DPP6: variants seen among roughly 807,000 people sequenced by gnomAD.
The protein encoded by DPP6 is dipeptidyl peptidase like 6.
DPP6 carries 69 observed loss-of-function variants against 122.6 expected under a neutral mutation model. That is an observed-to-expected ratio of 0.56 (90% CI 0.46 to 0.69). The LOEUF is 0.69. DPP6 is among the 30% of genes least tolerant of loss of function. DPP6 has a pLI of 0.00. For missense variants in DPP6, 928 were observed against 1,116.9 expected (o/e 0.83, Z 2.41); for synonymous variants, 418 against 433.1 (o/e 0.97, Z 0.43).
Position 154,700,220 on chromosome 7 carries a change from A to G in DPP6, c.763-27547A>G, listed in dbSNP as rs148049879. Among the ~76,000 whole-genome samples, 13 of 152,374 alleles carry G rather than the reference A, an allele frequency of 8.5e-5. No homozygotes were observed. In the East Asian group the frequency reaches 2.3e-3, roughly 27 times the overall value. ...TTACTATTTTTGGATTCATTGGTACATGGTTCCATTAATCAATAAATATTT... is the reference window on the plus strand; with the variant it reads ...TTACTATTTTTGGATTCATTGGTACGTGGTTCCATTAATCAATAAATATTT... On this transcript the variant is annotated intron_variant, in intron 7 of 25. Coordinates refer to ENST00000377770, the MANE Select transcript of DPP6 (RefSeq NM_130797.4).
rs191264368 is a variant in DPP6 at position 154,818,571 on chromosome 7, A to G, written c.1666+11459A>G. 9.9e-4 allele frequency among the ~76,000 whole-genome samples: 151 copies of G among 152,332 alleles called. 1 individual carries two copies. The East Asian group carries it at 0.025, about 25-fold the overall frequency. ...GATAAAACTGTCTTATTAGCCTCAAACATGTAGGGTGCTATTGACTCCCAA... is the reference window on the plus strand; with the variant it reads ...GATAAAACTGTCTTATTAGCCTCAAGCATGTAGGGTGCTATTGACTCCCAA... On this transcript the variant is annotated intron_variant, in intron 16 of 25. Transcript: ENST00000377770.
At chr7:154,433,785 T>G (rs891867435) in intron 1 of DPP6, among the ~76,000 whole-genome samples, 2 of 152,226 alleles carry the variant, frequency 1.3e-5, no homozygotes, top group Non-Finnish European at 2.9e-5. Context: ...CTGGCCCACT[T>G]TTCTCCAGAT....
chr7:154,183,493 G>T (rs1798197369), intron 1 of DPP6, among the ~76,000 whole-genome samples: 1 of 152,136 alleles, frequency 6.6e-6, no homozygotes. Flanking sequence ...TCCTGTAAGG[G>T]CAGAATCACC....
In DPP6 at chr7:154,221,799, C is replaced by T. The variant is rs375475845; in HGVS notation, c.243+168736C>T. On this transcript the variant is annotated intron_variant, in intron 1 of 25. Transcript: ENST00000377770. ...ACCTCTGCTGAATTAAAAACAGGAG[C>T]GGATGAACAATGTTGGAAGTGGGCC... is the stretch of plus-strand genomic sequence containing the variant. 5.3e-5 allele frequency among the ~76,000 whole-genome samples: 8 copies of T among 152,198 alleles called. 1 individual carries two copies. The South Asian group carries it at 1.7e-3, about 32-fold the overall frequency.
At chr7:153,752,974 G>A in the DPP6 span, among the ~76,000 whole-genome samples, 1 of 152,066 alleles carries the variant, frequency 6.6e-6, no homozygotes, top group African/African-American at 2.4e-5. Context: ...CATATAGTAA[G>A]CATTTATTAC....
At chr7:154,461,409 TA>T (rs1821291960) in intron 2 of DPP6, among the ~76,000 whole-genome samples, 1 of 152,228 alleles carries the variant, frequency 6.6e-6, no homozygotes, top group South Asian at 2.1e-4. Context: ...GATCATATGG[TA>T]ACTCTGTTTT....
intron 1 of DPP6, among the ~76,000 whole-genome samples, chr7:154,025,448 CTA>C (rs1471731477): frequency 9.0e-6 from 1 of 111,232 alleles, no homozygotes; most frequent in African/African-American, 3.6e-5. Context: ...TCCTGTAGTG[CTA>C]TGTTTTTGTT....
At chr7:153,760,449 G>T in the DPP6 span, among the ~76,000 whole-genome samples, 14 of 152,102 alleles carry the variant, frequency 9.2e-5, no homozygotes, top group Non-Finnish European at 1.6e-4. Flanking sequence ...GGTAATTTTT[G>T]ATTGGATGCC....
At chr7:154,309,321 C>T (rs924508858) in intron 1 of DPP6, among the ~76,000 whole-genome samples, 2 of 152,148 alleles carry the variant, frequency 1.3e-5, no homozygotes, top group African/African-American at 2.4e-5. Context: ...TGATAGATAA[C>T]TCCCCATGTG....
chr7:154,738,255 G>A (rs893575863), intron 8 of DPP6, among the ~76,000 whole-genome samples: 3 of 152,180 alleles, frequency 2.0e-5, no homozygotes, highest in Non-Finnish European at 2.9e-5. Flanking sequence ...CCAGCAAACA[G>A]GAGATAAAAG....
At chr7:154,085,530 A>G (rs540963992) in intron 1 of DPP6, among the ~76,000 whole-genome samples, 36 of 152,334 alleles carry the variant, frequency 2.4e-4, no homozygotes, top group African/African-American at 8.7e-4. Flanking sequence ...TGCTGAACGA[A>G]CACAGTAAGT....
At chr7:154,698,894 A>C (rs778021715) in intron 7 of DPP6, among the ~76,000 whole-genome samples, 2 of 152,226 alleles carry the variant, frequency 1.3e-5, no homozygotes, top group Non-Finnish European at 2.9e-5. Context: ...GGAGGCACTA[A>C]TGAGCAGCAG....
chr7:154,242,703 G>A (rs549027102), intron 1 of DPP6, among the ~76,000 whole-genome samples: 42 of 152,304 alleles, frequency 2.8e-4, no homozygotes, highest in Admixed American at 5.2e-4. Flanking sequence ...GAGGAGATTG[G>A]AGCTGTGGTC....
intron 1 of DPP6, among the ~76,000 whole-genome samples, chr7:154,324,036 C>T (rs931188719): frequency 3.3e-5 from 5 of 152,172 alleles, no homozygotes; most frequent in African/African-American, 1.2e-4. Flanking sequence ...CAAGAGGAAA[C>T]ACTGAGTCCC....
chr7:153,822,681 G>A, the DPP6 span, among the ~76,000 whole-genome samples: 2 of 152,178 alleles, frequency 1.3e-5, no homozygotes, highest in Non-Finnish European at 2.9e-5. Context: ...TACCTAGTAT[G>A]ATGGGGATGA....
At chr7:153,767,570 G>A in the DPP6 span, among the ~76,000 whole-genome samples, 12 of 144,990 alleles carry the variant, frequency 8.3e-5, no homozygotes, top group African/African-American at 3.1e-4. Flanking sequence ...CTAGAGACAA[G>A]GTTTCACCGT....
intron 10 of DPP6, among the ~76,000 whole-genome samples, chr7:154,786,393 G>A (rs578077605): frequency 2.0e-5 from 3 of 152,270 alleles, no homozygotes; most frequent in Admixed American, 2.0e-4. Flanking sequence ...ATCTTGAATT[G>A]TAGTTTCCAT....
chr7:153,864,864 C>G, the DPP6 span, among the ~76,000 whole-genome samples: 2 of 152,128 alleles, frequency 1.3e-5, no homozygotes, highest in Non-Finnish European at 2.9e-5. Context: ...TTTATCGACA[C>G]TTATTCAGGT....
At position 154,795,894 on chromosome 7, in the gene DPP6, C is replaced by T. The variant is rs745916724; in HGVS notation, c.1299+11C>T. On this transcript the variant is annotated intron_variant, in intron 12 of 25. Coordinates refer to ENST00000377770, the MANE Select transcript of DPP6 (RefSeq NM_130797.4). ...TGGCTCCACAGACAGGTAACTACTG[C>T]ATGTCCGGGTCCCCACTGTCACCTC... is the stretch of plus-strand genomic sequence containing the variant. 2.5e-6 allele frequency: 4 copies of T among 1,608,790 alleles called. No individual in the cohort carries two copies. The African/African-American group carries it at 4.0e-5, about 16-fold the overall frequency.
Sources: allele counts gnomAD v4.1 joint callset (sites outside exome capture counted in the v4.1 genomes callset), GRCh38; gene constraint gnomAD v4.1.1; transcripts MANE v1.5; gene names NCBI Gene and HGNC (gene_info 2026-07-23, HGNC 2026-07-21).